Variants in ZKSCAN7 observed in about 807,000 individuals in gnomAD.
ZKSCAN7 encodes zinc finger with KRAB and SCAN domains 7.
Under a neutral mutation model 65.3 loss-of-function variants are expected in ZKSCAN7, and 38 were observed. The ratio of observed to expected loss-of-function variants is 0.58; its 90% CI spans 0.45 to 0.76. The LOEUF (loss-of-function observed/expected upper bound fraction) is 0.76. Ranked by LOEUF, ZKSCAN7 falls within the 30% of genes least tolerant of loss-of-function variation. The pLI is 0.00. For synonymous variants in ZKSCAN7, 321 were observed against 321.0 expected, an observed-to-expected ratio of 1.00 and a Z score of 0.00; for missense variants, 815 against 913.3, an observed-to-expected ratio of 0.89 and a Z score of 1.39.
chr3:44,557,230 T>TTACC lies in ZKSCAN7; in HGVS notation c.184_187dup (p.His63LeufsTer39). The stretch of plus-strand genomic sequence containing the variant: ...TCCGGCTACACTTCAGGCAATTGTG[T>TTACC]TACCACGAGATGTCTGGGCCGCAGG... On this transcript the variant is annotated frameshift_variant, in exon 2 of 6. Coordinates refer to ENST00000426540, the MANE Select transcript of ZKSCAN7 (RefSeq NM_001288590.2). LOFTEE classifies it high-confidence loss of function. 1.2e-6 allele frequency: 2 copies of TTACC among 1,614,278 alleles called. No individual in the cohort carries two copies. Among genetic ancestry groups the TTACC allele is most frequent in the Non-Finnish European group, 1.7e-6 (2 of 1,180,048 alleles).
intron 2 of ZKSCAN7, among the ~76,000 whole-genome samples, chr3:44,563,833 C>T (rs1158597304): frequency 6.6e-6 from 1 of 152,180 alleles, no homozygotes; most frequent in Non-Finnish European, 1.5e-5. Context: ...TAAGTTCTAC[C>T]TTCTGCCAAT....
chr3:44,571,605 T>C lies in ZKSCAN7; in HGVS notation c.*230T>C. On this transcript the variant is annotated 3_prime_UTR_variant, in exon 6 of 6. Transcript: ENST00000426540. ...GAATTGTAGGTTTCCTTTTTTTTTC[T>C]TTACTTTTAAATTTTAACTTTTAAA... 7.4e-7 allele frequency: 1 copy of C among 1,354,778 alleles called. No homozygotes were observed. The highest frequency in any genetic ancestry group is 9.5e-7 in the Non-Finnish European group (1 of 1,057,040). 83.9% of individuals were successfully genotyped at this position (1,354,778 alleles called of 1,614,324 possible).
At chr3:44,583,317 T>G (rs1285204281) in exon 6 of ZKSCAN7, 2 of 159,676 alleles carry the variant, frequency 1.3e-5, no homozygotes, top group Non-Finnish European at 2.7e-5. Context: ...CAACTGAGGG[T>G]GTGAACTTGT....
chr3:44,582,255 G>A (rs1042169731), intron 5 of ZKSCAN7, among the ~76,000 whole-genome samples: 2 of 152,180 alleles, frequency 1.3e-5, no homozygotes, highest in Non-Finnish European at 2.9e-5. Context: ...CTTTACCCAG[G>A]TGGATGCCAA....
Position 44,558,951 on chromosome 3 carries a change from T to C in ZKSCAN7, c.423+1481T>C, listed in dbSNP as rs538376755. On this transcript the variant is annotated intron_variant, in intron 2 of 5. Transcript: ENST00000426540. Reference sequence around the variant, plus strand: ...GTGCCACCACACCAGGCTAATTTTTTTTATTGTAGACATGTGGTCTTGTTA... The same window carrying C: ...GTGCCACCACACCAGGCTAATTTTTCTTATTGTAGACATGTGGTCTTGTTA... Among the ~76,000 whole-genome samples, 5 of 151,872 alleles carry C rather than the reference T, an allele frequency of 3.3e-5. No homozygotes were observed. In the East Asian group the frequency reaches 9.7e-4, roughly 30 times the overall value.
At chr3:44,582,211 A>G (rs1559436069) in intron 5 of ZKSCAN7, among the ~76,000 whole-genome samples, 2 of 152,222 alleles carry the variant, frequency 1.3e-5, no homozygotes, top group Non-Finnish European at 1.5e-5. Flanking sequence ...TCACCAAATC[A>G]TAACAGTCCT....
chr3:44,583,132 T>C (rs995422737), exon 6 of ZKSCAN7: 23 of 299,528 alleles, frequency 7.7e-5, no homozygotes, highest in Admixed American at 3.7e-4. Context: ...TTCACCATGT[T>C]GGCCAGGCTG....
At chr3:44,577,640 G>T (rs142742493) in intron 5 of ZKSCAN7, among the ~76,000 whole-genome samples, 5,049 of 152,212 alleles carry the variant, frequency 0.033, 120 homozygotes, top group Non-Finnish European at 0.054. Context: ...CAGTGAGTGT[G>T]GGGGGTCACA....
downstream of ZKSCAN7, among the ~76,000 whole-genome samples, chr3:44,573,214 C>G (rs1054510094): frequency 1.3e-5 from 2 of 152,228 alleles, no homozygotes; most frequent in Non-Finnish European, 2.9e-5. Context: ...TCCCTTCCAC[C>G]CTTGCAATAT....
intron 2 of ZKSCAN7, among the ~76,000 whole-genome samples, chr3:44,564,948 G>T (rs919468228): frequency 6.6e-6 from 1 of 152,008 alleles, no homozygotes; most frequent in Non-Finnish European, 1.5e-5. Flanking sequence ...CTACAGCTGC[G>T]TGCCACCATG....
At chr3:44,578,598 G>A (rs867188816) in intron 5 of ZKSCAN7, among the ~76,000 whole-genome samples, 1 of 152,214 alleles carries the variant, frequency 6.6e-6, no homozygotes, top group African/African-American at 2.4e-5. Flanking sequence ...ACCGACTGCA[G>A]CTCCTCCAGG....
Position 44,570,349 on chromosome 3 carries a change from T to C in ZKSCAN7, c.1239T>C (p.Cys413=). ...RIHTGEKPYE[C]NECGKTFRQT... is the part of the protein sequence containing the mutation. ...ACACTGGAGAGAAACCCTATGAGTG[T>C]AATGAGTGTGGGAAGACCTTCAGGC... The change falls in exon 6 of 6, where the codon TGT becomes TGC. Residue 413 remains cysteine (C), a synonymous_variant. Coordinates refer to ENST00000426540, the MANE Select transcript of ZKSCAN7 (RefSeq NM_001288590.2). 1 of 1,614,152 alleles carries C rather than the reference T, an allele frequency of 6.2e-7. No individual in the cohort carries two copies. Among genetic ancestry groups the C allele is most frequent in the Non-Finnish European group, 8.5e-7 (1 of 1,180,024 alleles).
At position 44,565,496 on chromosome 3, in the gene ZKSCAN7, C is replaced by A. The variant is rs182217070; in HGVS notation, c.433C>A (p.Pro145Thr). The A allele has an allele frequency of 7.1e-5, 114 of 1,607,350 alleles. 1 individual carries two copies. In the African/African-American group the frequency reaches 1.3e-3, roughly 18 times the overall value. The change falls in exon 3 of 6, where the codon CCA becomes ACA. Residue 145 changes from proline to threonine, a missense_variant. Transcript: ENST00000426540. Reference protein sequence around the residue: ...HLSGSEEVSAPAQKQEMHFEE... With the variant: ...HLSGSEEVSATAQKQEMHFEE... ...ATTTCCCTCTCTCTAGGTTTCAGCC[C>A]CAGCACAGAAACAGGAAATGCATTT...
At chr3:44,581,104 C>A (rs1376372640) in intron 5 of ZKSCAN7, 1 of 1,004,654 alleles carries the variant, frequency 1.0e-6, no homozygotes. Context: ...GCGCGGCCGC[C>A]GCCGCATCCC....
intron 5 of ZKSCAN7, chr3:44,580,516 C>T (rs1700047523): frequency 1.9e-6 from 3 of 1,611,952 alleles, no homozygotes; most frequent in Non-Finnish European, 8.5e-7. Context: ...TTGGCAGGCC[C>T]AGGCTCCTGC....
chr3:44,569,201 T>C (rs1699721093), intron 5 of ZKSCAN7, among the ~76,000 whole-genome samples: 1 of 152,218 alleles, frequency 6.6e-6, no homozygotes. Context: ...GTCTAGTACC[T>C]GGTGCCAGTC....
chr3:44,568,933 A>G (rs571338710), intron 5 of ZKSCAN7, among the ~76,000 whole-genome samples: 69 of 152,182 alleles, frequency 4.5e-4, no homozygotes, highest in Non-Finnish European at 8.4e-4. Context: ...TGTCCTTTTC[A>G]TAGCTCTTTT....
At chr3:44,572,353 T>C (rs1184755074), downstream of ZKSCAN7, among the ~76,000 whole-genome samples, 2 of 43,690 alleles carry the variant, frequency 4.6e-5, no homozygotes, top group Non-Finnish European at 1.0e-4. Context: ...ATTTTGTGTG[T>C]GTGTGTGTGT....
At chr3:44,580,423 G>C in intron 5 of ZKSCAN7, 2 of 1,599,840 alleles carry the variant, frequency 1.3e-6, no homozygotes, top group Non-Finnish European at 1.7e-6. Context: ...ATTTCTTCCT[G>C]CCAGAGTGTG....
Sources: gnomAD v4.1 joint callset for allele counts (sites outside exome capture counted in the v4.1 genomes callset) on GRCh38, gnomAD v4.1.1 for gene constraint, MANE v1.5 for transcripts, NCBI Gene and HGNC (gene_info 2026-07-23, HGNC 2026-07-21) for gene names.